Variants in NUBPL observed in about 807,000 individuals in gnomAD.
NUBPL encodes iron-sulfur cluster transfer protein NUBPL.
A neutral mutation model predicts 45.7 loss-of-function variants in NUBPL; 31 were observed. That is an observed-to-expected ratio of 0.68 (90% CI 0.51 to 0.92). The LOEUF is 0.92. NUBPL is among the 40% of genes least tolerant of loss of function. The pLI is 0.00. For synonymous variants in NUBPL, 144 were observed against 140.9 expected (o/e 1.02, Z -0.15); for missense variants, 401 against 398.7 (o/e 1.01, Z -0.05).
intron 6 of NUBPL, among the ~76,000 whole-genome samples, chr14:31,679,345 A>AC (rs1177558137): frequency 6.6e-6 from 1 of 151,478 alleles, no homozygotes; most frequent in East Asian, 1.9e-4. Context: ...GCGGGGGGCA[A>AC]TTTTTTTGCA....
intron 6 of NUBPL, among the ~76,000 whole-genome samples, chr14:31,678,725 G>A (rs1415964702): frequency 6.6e-6 from 1 of 152,190 alleles, no homozygotes; most frequent in Non-Finnish European, 1.5e-5. Context: ...GGTCTCTTGT[G>A]AAGCCACGAC....
At chr14:31,613,313 T>C (rs1387249573) in intron 4 of NUBPL, among the ~76,000 whole-genome samples, 1 of 151,090 alleles carries the variant, frequency 6.6e-6, no homozygotes, top group Non-Finnish European at 1.5e-5. Flanking sequence ...AGTAGGGGAG[T>C]TGAGGGGATG....
chr14:31,602,154 C>G (rs1167348740), intron 4 of NUBPL, among the ~76,000 whole-genome samples: 3 of 151,916 alleles, frequency 2.0e-5, no homozygotes, highest in South Asian at 2.1e-4. Flanking sequence ...AAACCAAACA[C>G]TGCATGTTCT....
intron 3 of NUBPL, among the ~76,000 whole-genome samples, chr14:31,573,692 T>C (rs117538379): frequency 0.063 from 9,623 of 152,302 alleles, 415 homozygotes; most frequent in Non-Finnish European, 0.091. Context: ...GCCACTGCTT[T>C]ATTTGGATCC....
chr14:31,600,811 G>A (rs879477223), intron 4 of NUBPL, among the ~76,000 whole-genome samples: 42 of 151,346 alleles, frequency 2.8e-4, no homozygotes, highest in African/African-American at 8.7e-4. Flanking sequence ...TGGTGTTTTA[G>A]ACATGAAGTC....
At chr14:31,693,663 T>C (rs1170707340) in intron 6 of NUBPL, among the ~76,000 whole-genome samples, 1 of 152,170 alleles carries the variant, frequency 6.6e-6, no homozygotes, top group Non-Finnish European at 1.5e-5. Context: ...AATTTCTTTT[T>C]ATGATTTTTG....
chr14:31,764,573 G>A (rs1306747225), intron 6 of NUBPL, among the ~76,000 whole-genome samples: 1 of 152,172 alleles, frequency 6.6e-6, no homozygotes, highest in East Asian at 1.9e-4. Context: ...GAAGACAGCA[G>A]ATACCTATTT....
chr14:31,652,627 A>G (rs1365568850), intron 4 of NUBPL, among the ~76,000 whole-genome samples: 1 of 152,214 alleles, frequency 6.6e-6, no homozygotes, highest in African/African-American at 2.4e-5. Context: ...ATAAAGTAAT[A>G]ACATTTCTAA....
At chr14:31,651,472 T>C (rs1319215193) in intron 4 of NUBPL, among the ~76,000 whole-genome samples, 1 of 152,224 alleles carries the variant, frequency 6.6e-6, no homozygotes, top group Non-Finnish European at 1.5e-5. Flanking sequence ...AGGTATTGTG[T>C]AATACACATT....
intron 4 of NUBPL, among the ~76,000 whole-genome samples, chr14:31,666,323 G>C (rs1350193522): frequency 6.7e-6 from 1 of 148,248 alleles, no homozygotes; most frequent in Non-Finnish European, 1.5e-5. Flanking sequence ...GGAGTGCAGT[G>C]GTGCAATCTC....
intron 6 of NUBPL, among the ~76,000 whole-genome samples, chr14:31,745,071 C>CT (rs1431329808): frequency 1.6e-5 from 2 of 128,210 alleles, no homozygotes; most frequent in East Asian, 2.2e-4. Flanking sequence ...TATTATTATA[C>CT]TTTAAGTTCT....
chr14:31,833,616 T>C (rs1321641136), intron 8 of NUBPL, among the ~76,000 whole-genome samples: 1 of 152,222 alleles, frequency 6.6e-6, no homozygotes, highest in East Asian at 1.9e-4. Context: ...CTTGCTCATG[T>C]AACAGTACCA....
At chr14:31,812,446 G>A (rs577434451) in intron 7 of NUBPL, among the ~76,000 whole-genome samples, 17 of 152,324 alleles carry the variant, frequency 1.1e-4, no homozygotes, top group South Asian at 4.1e-4. Flanking sequence ...TTAGCCAGGC[G>A]CGGGATGTAA....
At chr14:31,698,861 T>G (rs565172319) in intron 6 of NUBPL, among the ~76,000 whole-genome samples, 117 of 152,204 alleles carry the variant, frequency 7.7e-4, no homozygotes, top group African/African-American at 2.7e-3. Flanking sequence ...TTACACTTTT[T>G]TTTTTTTTTT....
chr14:31,666,263 A>ATATATATATATATATATATATATT, intron 4 of NUBPL, among the ~76,000 whole-genome samples: 1 of 111,874 alleles, frequency 8.9e-6, no homozygotes, highest in African/African-American at 3.1e-5. Flanking sequence ...ATATATATAT[A>ATATATATATATATATATATATATT]ATTTTATTTT....
intron 4 of NUBPL, among the ~76,000 whole-genome samples, chr14:31,645,783 C>CT (rs1566473162): frequency 7.3e-6 from 1 of 137,434 alleles, no homozygotes; most frequent in African/African-American, 2.7e-5. Context: ...CACCCCCCCC[C>CT]CCACATTTTG....
At chr14:31,750,779 C>T (rs1467384751) in intron 6 of NUBPL, among the ~76,000 whole-genome samples, 1 of 151,990 alleles carries the variant, frequency 6.6e-6, no homozygotes, top group Non-Finnish European at 1.5e-5. Context: ...GTAATGTGGT[C>T]TCTGTGTGGT....
chr14:31,672,707 C>G (rs1196331682), intron 4 of NUBPL, among the ~76,000 whole-genome samples: 3 of 152,144 alleles, frequency 2.0e-5, no homozygotes, highest in Admixed American at 2.0e-4. Flanking sequence ...AAGTAATCCA[C>G]CCACCTTGGC....
intron 4 of NUBPL, among the ~76,000 whole-genome samples, chr14:31,636,944 T>G (rs930147453): frequency 2.6e-5 from 4 of 152,220 alleles, no homozygotes; most frequent in African/African-American, 9.6e-5. Flanking sequence ...ATATCCCATT[T>G]ATCATTTTTT....
Sources: allele counts gnomAD v4.1 joint callset (sites outside exome capture counted in the v4.1 genomes callset), GRCh38; gene constraint gnomAD v4.1.1; transcripts MANE v1.5; gene names NCBI Gene and HGNC (gene_info 2026-07-23, HGNC 2026-07-21).